Variants in CTNNA3 observed in about 807,000 individuals in gnomAD.
CTNNA3 encodes the protein catenin alpha-3.
A neutral mutation model predicts 95.7 loss-of-function variants in CTNNA3; 76 were observed. That is an observed-to-expected ratio of 0.79 (90% confidence interval 0.66 to 0.96). CTNNA3 has a LOEUF of 0.96. Ranked by LOEUF, CTNNA3 falls within the 40% of genes least tolerant of loss-of-function variation. The pLI is 0.00. For synonymous variants in CTNNA3, 431 were observed against 374.4 expected (o/e 1.15, Z -1.74); for missense variants, 1,191 against 1,089.8 (o/e 1.09, Z -1.31).
chr10:67,579,580 C>G lies in CTNNA3; in HGVS notation c.292+27277G>C, dbSNP rs949278190. ...TTGGGTATATACCCAGTAATGGGGT[C>G]ACTGGGTCAAATGGTATTTCTAGTT... is the stretch of plus-strand genomic sequence containing the variant. On this transcript the variant is annotated intron_variant, in intron 3 of 17. Transcript: ENST00000433211. Among the ~76,000 whole-genome samples, 12 of 152,158 alleles carry G rather than the reference C, an allele frequency of 7.9e-5. No individual in the cohort carries two copies. The East Asian group carries it at 2.1e-3, about 27-fold the overall frequency.
At chr10:65,977,883 A>T (rs948721993) in intron 16 of CTNNA3, among the ~76,000 whole-genome samples, 5 of 152,200 alleles carry the variant, frequency 3.3e-5, no homozygotes, top group Non-Finnish European at 7.3e-5. Flanking sequence ...TGTTAATGAA[A>T]AGTACTAGGT....
chr10:66,725,222 A>G (rs959425003), intron 9 of CTNNA3, among the ~76,000 whole-genome samples: 4 of 152,134 alleles, frequency 2.6e-5, no homozygotes, highest in African/African-American at 9.6e-5. Flanking sequence ...GGTTAAATAC[A>G]TGGATATGGA....
At chr10:66,645,364 T>C (rs1845670730) in intron 9 of CTNNA3, among the ~76,000 whole-genome samples, 1 of 152,200 alleles carries the variant, frequency 6.6e-6, no homozygotes, top group Admixed American at 6.5e-5. Context: ...TTGTCTCTGA[T>C]CCATTTTGAG....
At chr10:66,351,314 G>GT (rs2132391835) in intron 12 of CTNNA3, among the ~76,000 whole-genome samples, 1 of 152,136 alleles carries the variant, frequency 6.6e-6, no homozygotes, top group Admixed American at 6.5e-5. Flanking sequence ...TGAGGTTGCT[G>GT]TAAGTATTTC....
At chr10:65,966,963 A>G (rs962314949) in intron 16 of CTNNA3, among the ~76,000 whole-genome samples, 1 of 152,012 alleles carries the variant, frequency 6.6e-6, no homozygotes, top group Non-Finnish European at 1.5e-5. Flanking sequence ...ACGTTAAAAT[A>G]ATTATTTTTT....
intron 2 of CTNNA3, among the ~76,000 whole-genome samples, chr10:67,637,872 A>G (rs1393365790): frequency 7.2e-5 from 11 of 152,224 alleles, no homozygotes; most frequent in African/African-American, 2.7e-4. Flanking sequence ...AGCACTAAAC[A>G]TGGGAAGGAA....
intron 7 of CTNNA3, among the ~76,000 whole-genome samples, chr10:67,135,215 A>G (rs1446526229): frequency 6.6e-6 from 1 of 152,144 alleles, no homozygotes; most frequent in Admixed American, 6.6e-5. Context: ...TGTTAGGTTG[A>G]CACAGATGGC....
At chr10:67,258,316 G>A (rs146576240) in intron 5 of CTNNA3, among the ~76,000 whole-genome samples, 2,430 of 152,016 alleles carry the variant, frequency 0.016, 67 homozygotes, top group African/African-American at 0.053. Context: ...GCTAATTTTT[G>A]TAATTTTAGT....
At chr10:66,772,344 G>A (rs1349843176) in intron 8 of CTNNA3, among the ~76,000 whole-genome samples, 1 of 151,380 alleles carries the variant, frequency 6.6e-6, no homozygotes, top group Non-Finnish European at 1.5e-5. Flanking sequence ...AGAATTGCCT[G>A]AACCTGGGAG....
At chr10:67,043,126 ACTTT>A (rs201312568) in intron 7 of CTNNA3, among the ~76,000 whole-genome samples, 12 of 104,266 alleles carry the variant, frequency 1.2e-4, no homozygotes, top group African/African-American at 1.9e-4. Context: ...CTCAAGGCTC[ACTTT>A]CTTTCTTTTT....
At chr10:67,044,259 A>G (rs958289300) in intron 7 of CTNNA3, among the ~76,000 whole-genome samples, 2 of 152,182 alleles carry the variant, frequency 1.3e-5, no homozygotes, top group African/African-American at 4.8e-5. Context: ...CAGAAATCCA[A>G]TTGATTATAG....
intron 13 of CTNNA3, among the ~76,000 whole-genome samples, chr10:66,176,137 G>T (rs572936473): frequency 2.0e-5 from 3 of 152,292 alleles, no homozygotes; most frequent in African/African-American, 4.8e-5. Context: ...TTTAAAACAA[G>T]TTCAGTTGAT....
At chr10:67,749,745 T>G (rs1589588804) in intron 1 of CTNNA3, among the ~76,000 whole-genome samples, 1 of 151,844 alleles carries the variant, frequency 6.6e-6, no homozygotes, top group African/African-American at 2.4e-5. Context: ...ACATCACAAC[T>G]AAAAGATATA....
chr10:65,962,525 CTAAG>C (rs1483437333), intron 17 of CTNNA3, among the ~76,000 whole-genome samples: 1 of 151,974 alleles, frequency 6.6e-6, no homozygotes, highest in African/African-American at 2.4e-5. Context: ...CAATATTGCC[CTAAG>C]TAAGTTCTCA....
intron 7 of CTNNA3, among the ~76,000 whole-genome samples, chr10:67,163,789 G>A (rs184998601): frequency 6.6e-6 from 1 of 151,990 alleles, no homozygotes. Flanking sequence ...TTTCAGGAGG[G>A]TTGCAGGATA....
At chr10:66,595,734 T>C (rs1843692633) in intron 10 of CTNNA3, among the ~76,000 whole-genome samples, 1 of 152,078 alleles carries the variant, frequency 6.6e-6, no homozygotes, top group African/African-American at 2.4e-5. Context: ...ACTCCTGGGC[T>C]CAAATGATCC....
At chr10:67,078,778 C>T (rs545738690) in intron 7 of CTNNA3, among the ~76,000 whole-genome samples, 141 of 152,226 alleles carry the variant, frequency 9.3e-4, no homozygotes, top group Non-Finnish European at 1.5e-3. Context: ...GGCCCCCCAA[C>T]GTGCTGAGAT....
chr10:67,607,798 T>C (rs1397713255), intron 2 of CTNNA3, among the ~76,000 whole-genome samples: 2 of 152,210 alleles, frequency 1.3e-5, no homozygotes, highest in African/African-American at 2.4e-5. Context: ...TTTCAAAATA[T>C]AGACATTAAA....
chr10:66,677,162 C>T (rs1326606307), intron 9 of CTNNA3, among the ~76,000 whole-genome samples: 1 of 151,982 alleles, frequency 6.6e-6, no homozygotes, highest in Admixed American at 6.6e-5. Context: ...GATCAGGAAC[C>T]CTTATTCTGG....
Sources: allele counts gnomAD v4.1 joint callset (sites outside exome capture counted in the v4.1 genomes callset), GRCh38; gene constraint gnomAD v4.1.1; transcripts MANE v1.5; gene names NCBI Gene and HGNC (gene_info 2026-07-23, HGNC 2026-07-21).